The following INPPL1 variants were observed in gnomAD, a reference collection of about 807,000 sequenced individuals.
INPPL1 encodes the protein inositol polyphosphate phosphatase like 1, also known as phosphatidylinositol 3,4,5-trisphosphate 5-phosphatase 2.
In INPPL1, 91 loss-of-function variants were observed where a neutral mutation model predicts 139.3. The ratio of observed to expected loss-of-function variants is 0.65; its 90% CI spans 0.55 to 0.78. INPPL1 has a LOEUF of 0.78. Ranked by LOEUF, INPPL1 falls within the 30% of genes least tolerant of loss-of-function variation. The pLI, the probability that INPPL1 is intolerant of heterozygous loss-of-function variation, is 0.00. For synonymous variants in INPPL1, 719 were observed against 686.6 expected (o/e 1.05, Z -0.74); for missense variants, 1,411 against 1,665.6 (o/e 0.85, Z 2.66).
Position 72,237,139 on chromosome 11 carries a change from A to T in INPPL1, c.2895A>T (p.Gly965=). The T allele has an allele frequency of 1.3e-6, 2 of 1,588,152 alleles. No individual in the cohort carries two copies. The highest frequency in any genetic ancestry group is 1.3e-5 in the African/African-American group (1 of 74,126). The part of the protein sequence containing the change: ...EPLTPRLKPE[G]APEPEGVAAP... ...CCACACCCAGGTTGAAGCCAGAGGG[A>T]GCTCCTGAACCAGAAGGGGTGGCGG... Residue 965 remains glycine (G), a synonymous_variant, in exon 26 of 28, where the codon GGA becomes GGT. Coordinates refer to ENST00000298229, the MANE Select transcript of INPPL1 (RefSeq NM_001567.4).
At chr11:72,229,005 C>A in intron 4 of INPPL1, 85 bp from the exon 5 acceptor site, 1 of 1,530,630 alleles carries the variant, frequency 6.5e-7, no homozygotes. Context: ...CTGGTTGCCA[C>A]AGGTACTATC....
Position 72,231,679 on chromosome 11 carries a change from C to T in INPPL1, c.1615+64C>T, listed in dbSNP as rs1948839889. The T allele has an allele frequency of 4.1e-6, 5 of 1,206,372 alleles. No individual in the cohort carries two copies. The Admixed American group carries it at 6.7e-5, about 16-fold the overall frequency. 74.7% of individuals were successfully genotyped at this position (1,206,372 alleles called of 1,614,324 possible). On this transcript the variant is annotated intron_variant, in intron 13 of 27. Coordinates refer to ENST00000298229, the MANE Select transcript of INPPL1 (RefSeq NM_001567.4). ...TCTCTGTCCATGGCTTCTGCTTCCT[C>T]TCAAGCCTAGGATTGCCCCATTTTT...
chr11:72,233,195 G>T, intron 17 of INPPL1, 32 bp downstream of exon 17: 1 of 1,586,576 alleles, frequency 6.3e-7, no homozygotes, highest in Non-Finnish European at 8.6e-7. Flanking sequence ...GGCCTTGGGG[G>T]ACCGCAGGCC....
In INPPL1 at chr11:72,238,322, T is replaced by G. The variant is rs199981751; in HGVS notation, c.3746T>G (p.Leu1249Arg). 3 of 1,589,062 alleles carry G rather than the reference T, an allele frequency of 1.9e-6. No individual in the cohort carries two copies. Among genetic ancestry groups the G allele is most frequent in the African/African-American group, 1.4e-5 (1 of 74,064 alleles). ...GTGCAGGACCCGGCTCACAAGCGCC[T>G]CCTTCTGGACACCCTGCAGCTCAGC... The part of the protein sequence containing the change: ...AGVQDPAHKR[L>R]LLDTLQLSK The change falls in exon 28 of 28, where the codon CTC (leucine) becomes CGC (arginine). Residue 1249 changes from leucine to arginine, a missense_variant. This residue lies in a region of INPPL1 where 438 missense variants were observed against 425.7 expected (regional missense o/e 1.03). Coordinates refer to ENST00000298229, the MANE Select transcript of INPPL1 (RefSeq NM_001567.4).
At position 72,234,624 on chromosome 11, in the gene INPPL1, G is replaced by T; in HGVS notation, c.2415+9G>T. 2 of 1,606,828 alleles carry T rather than the reference G, an allele frequency of 1.2e-6. No homozygotes were observed. Among genetic ancestry groups the T allele is most frequent in the Non-Finnish European group, 8.5e-7 (1 of 1,173,574 alleles). On this transcript the variant is annotated intron_variant, in intron 21 of 27. Coordinates refer to ENST00000298229, the MANE Select transcript of INPPL1 (RefSeq NM_001567.4). The surrounding 1 kb of genome is among the most constrained non-coding windows in gnomAD (Gnocchi z 4.2). ...CACGCCAGCTGCCCACGGTGAGGCT[G>T]TGGGCAGGGCCCCTGCTTATGGGTG...
rs1366329249 is a variant in INPPL1, at chr11:72,235,668, C to T, written c.2660-7C>T. On this transcript the variant is annotated splice_polypyrimidine_tract_variant and splice_region_variant and intron_variant, in intron 23 of 27. Coordinates refer to ENST00000298229, the MANE Select transcript of INPPL1 (RefSeq NM_001567.4). This position sits in a 1 kb window ranked among gnomAD's most constrained non-coding sequence, Gnocchi z 4.9. ...TCTCCTCTGAGTCTCCCTTCCTGCC[C>T]CCTCAGAGTGGATCAGCATTGATAA... is the stretch of plus-strand genomic sequence containing the variant. 4 of 1,613,788 alleles carry T rather than the reference C, an allele frequency of 2.5e-6. No homozygotes were observed. Among genetic ancestry groups the T allele is most frequent in the South Asian group, 1.1e-5 (1 of 91,064 alleles).
intron 14 of INPPL1, 36 bp from the exon 15 acceptor site, chr11:72,232,590 G>T (rs1387639005): frequency 1.2e-6 from 2 of 1,608,104 alleles, no homozygotes; most frequent in Non-Finnish European, 1.7e-6. Flanking sequence ...TGACCCTGGG[G>T]ATCTACCCCT....
At chr11:72,237,940 C>G in intron 26 of INPPL1, 102 bp from the exon 27 acceptor site, 1 of 1,450,924 alleles carries the variant, frequency 6.9e-7, no homozygotes, top group Non-Finnish European at 9.1e-7. Flanking sequence ...ATGTATCAGC[C>G]CAGCCCTTCC....
Position 72,229,976 on chromosome 11 carries a change from C to T in INPPL1, c.896C>T (p.Pro299Leu). 1 of 1,614,246 alleles carries T rather than the reference C, an allele frequency of 6.2e-7. No homozygotes were observed. Among genetic ancestry groups the T allele is most frequent in the Non-Finnish European group, 8.5e-7 (1 of 1,180,042 alleles). Residue 299 changes from proline to leucine, a missense_variant, in exon 8 of 28, where the codon CCA becomes CTA. This residue lies in a region of INPPL1 where 504 missense variants were observed against 595.6 expected (regional missense o/e 0.85). Coordinates refer to ENST00000298229, the MANE Select transcript of INPPL1 (RefSeq NM_001567.4). ...MSSTAPPAPQ[P>L]STRKAKTIPV... ...TCCACAGCACCCCCAGCTCCGCAGC[C>T]ATCCACACGTAAGGCCAAGACCATC...
chr11:72,234,153 GA>G lies in INPPL1; in HGVS notation c.2213-127del. 1 of 696,956 alleles carries G rather than the reference GA, an allele frequency of 1.4e-6. No individual in the cohort carries two copies. Among genetic ancestry groups the G allele is most frequent in the South Asian group, 1.7e-5 (1 of 58,402 alleles). 43.2% of individuals were successfully genotyped at this position (696,956 alleles called of 1,614,324 possible). A position where few individuals can be genotyped will look rare whatever the true frequency, so the allele number is the denominator to read the frequency against. On this transcript the variant is annotated intron_variant, in intron 19 of 27. Coordinates refer to ENST00000298229, the MANE Select transcript of INPPL1 (RefSeq NM_001567.4). The surrounding 1 kb of genome is among the most constrained non-coding windows in gnomAD (Gnocchi z 4.2). ...TCCCTGTTGGTGGCTTGGGACTGGG[GA>G]GGCCCCTCCTGGCCCTGCCTCCTTG...
At chr11:72,230,769 G>T in intron 10 of INPPL1, 27 bp from the exon 11 acceptor site, 3 of 1,604,074 alleles carry the variant, frequency 1.9e-6, no homozygotes, top group Non-Finnish European at 2.6e-6. Flanking sequence ...ATGCCTACCC[G>T]CCCCTGAGTG....
rs760670618 is a variant in INPPL1, at chr11:72,235,879, C to G, written c.2772C>G (p.Ala924=). The change falls in exon 25 of 28, where the codon GCC becomes GCG. Residue 924 remains alanine (A), a synonymous_variant. Transcript: ENST00000298229. This position sits in a 1 kb window ranked among gnomAD's most constrained non-coding sequence, Gnocchi z 4.9. ...SGSRKPAFTE[A]SCPLSRLFEE... is the part of the protein sequence containing the mutation. The stretch of plus-strand genomic sequence containing the variant: ...GCCGCAAGCCAGCCTTCACAGAGGC[C>G]TCCTGCCCGCTCTCCAGGTTATTTG... The G allele has an allele frequency of 6.2e-7, 1 of 1,613,378 alleles. No homozygotes were observed. The highest frequency in any genetic ancestry group is 1.3e-5 in the African/African-American group (1 of 75,062).
chr11:72,234,630 A>G lies in INPPL1; in HGVS notation c.2415+15A>G, dbSNP rs1217337896. On this transcript the variant is annotated intron_variant, in intron 21 of 27. Transcript: ENST00000298229. This position sits in a 1 kb window ranked among gnomAD's most constrained non-coding sequence, Gnocchi z 4.2. ...AGCTGCCCACGGTGAGGCTGTGGGCAGGGCCCCTGCTTATGGGTGAGGGCA... is the reference window on the plus strand; with the variant it reads ...AGCTGCCCACGGTGAGGCTGTGGGCGGGGCCCCTGCTTATGGGTGAGGGCA... The G allele has an allele frequency of 1.3e-6, 2 of 1,599,098 alleles. No individual in the cohort carries two copies. Among genetic ancestry groups the G allele is most frequent in the Non-Finnish European group, 8.6e-7 (1 of 1,166,788 alleles).
chr11:72,231,217 C>G, intron 12 of INPPL1, 28 bp downstream of exon 12: 1 of 1,586,624 alleles, frequency 6.3e-7, no homozygotes, highest in Non-Finnish European at 8.6e-7. Flanking sequence ...TGTCCAGGAC[C>G]CTGTCCTCAC....
chr11:72,225,531 G>T, intron 1 of INPPL1: 1 of 985,346 alleles, frequency 1.0e-6, no homozygotes, highest in Non-Finnish European at 1.2e-6. Context: ...GTTTGGATAG[G>T]GACTGAGTGG....
At position 72,235,513 on chromosome 11, in the gene INPPL1, G is replaced by A. The variant is rs1354204956; in HGVS notation, c.2659+62G>A. On this transcript the variant is annotated intron_variant, in intron 23 of 27. Coordinates refer to ENST00000298229, the MANE Select transcript of INPPL1 (RefSeq NM_001567.4). The surrounding 1 kb of genome is among the most constrained non-coding windows in gnomAD (Gnocchi z 4.9). ...GAACAGATCAAGGAGGGCAGGGTGC[G>A]GGGGGCATGTTGGAATCTCTGGGAT... The A allele has an allele frequency of 1.2e-5, 19 of 1,578,484 alleles. No homozygotes were observed. The highest frequency in any genetic ancestry group is 9.0e-5 in the East Asian group (4 of 44,684).
chr11:72,231,894 A>C (rs1410018880), intron 13 of INPPL1, among the ~76,000 whole-genome samples: 1 of 152,178 alleles, frequency 6.6e-6, no homozygotes, highest in Non-Finnish European at 1.5e-5. Context: ...TGGTGGAGCC[A>C]GGCATTGTGC....
In INPPL1 at chr11:72,228,028, T is replaced by C; in HGVS notation, c.183-162T>C. On this transcript the variant is annotated intron_variant, in intron 1 of 27. Coordinates refer to ENST00000298229, the MANE Select transcript of INPPL1 (RefSeq NM_001567.4). This position sits in a 1 kb window ranked among gnomAD's most constrained non-coding sequence, Gnocchi z 5.0. ...ATAGGCAACACCAGGAGGGTGGAAG[T>C]GGACCGGCCACATCATTAACCCTGT... 1 of 681,002 alleles carries C rather than the reference T, an allele frequency of 1.5e-6. No homozygotes were observed. The highest frequency in any genetic ancestry group is 2.6e-6 in the Non-Finnish European group (1 of 384,016). 42.2% of individuals were successfully genotyped at this position (681,002 alleles called of 1,614,324 possible).
At position 72,225,036 on chromosome 11, in the gene INPPL1, GC is replaced by G; in HGVS notation, c.57del (p.Ser20ProfsTer7). The G allele has an allele frequency of 8.1e-7, 1 of 1,227,298 alleles. No homozygotes were observed. Among genetic ancestry groups the G allele is most frequent in the Non-Finnish European group, 1.0e-6 (1 of 985,596 alleles). 76.0% of individuals were successfully genotyped at this position (1,227,298 alleles called of 1,614,324 possible). A position where few individuals can be genotyped will look rare whatever the true frequency, so the allele number is the denominator to read the frequency against. ...CCCGGGGGGCGCCCTGGGCAGCCAG[GC>G]CCCCTCCTGGTACCACCGCGACCTG... ...PGPGGALGSQAPSWYHRDLSR... is the reference protein window; with the variant it reads ...PGPGGALGSQXPSWYHRDLSR... On this transcript the variant is annotated frameshift_variant, in exon 1 of 28. Coordinates refer to ENST00000298229, the MANE Select transcript of INPPL1 (RefSeq NM_001567.4). LOFTEE classifies it high-confidence loss of function.
Sources: gnomAD v4.1 joint callset for allele counts (sites outside exome capture counted in the v4.1 genomes callset) on GRCh38, gnomAD v4.1.1 for gene constraint, gnomAD v4.1.1 regional missense constraint, Gnocchi (gnomAD v3.1) non-coding constraint, MANE v1.5 for transcripts, NCBI Gene and HGNC (gene_info 2026-07-23, HGNC 2026-07-21) for gene names.